The following ZFPM2 variants were observed in gnomAD, a reference collection of about 807,000 sequenced individuals.
The protein encoded by ZFPM2 is zinc finger protein, FOG family member 2, also known as zinc finger protein ZFPM2.
A neutral mutation model predicts 98.6 loss-of-function variants in ZFPM2; 20 were observed. That is an observed-to-expected ratio of 0.20 (90% CI 0.14 to 0.29). The LOEUF is 0.29. ZFPM2 is among the 10% of genes least tolerant of loss of function. The pLI is 1.00. For synonymous variants in ZFPM2, 518 were observed against 502.7 expected (o/e 1.03, Z -0.41); for missense variants, 1,310 against 1,388.6 (o/e 0.94, Z 0.90).
chr8:105,546,681 G>A (rs57329234), intron 3 of ZFPM2, among the ~76,000 whole-genome samples: 62 of 151,994 alleles, frequency 4.1e-4, no homozygotes, highest in African/African-American at 1.5e-3. Context: ...GTGGTCTCAT[G>A]TTCATGACAA....
At chr8:105,543,595 A>C (rs576745822) in intron 3 of ZFPM2, among the ~76,000 whole-genome samples, 1 of 152,328 alleles carries the variant, frequency 6.6e-6, no homozygotes. Flanking sequence ...GAAGAGTATT[A>C]AAAAGGATCT....
intron 1 of ZFPM2, among the ~76,000 whole-genome samples, chr8:105,409,585 A>G (rs899586403): frequency 6.6e-6 from 1 of 151,964 alleles, no homozygotes; most frequent in African/African-American, 2.4e-5. Flanking sequence ...GTGTCTCTCC[A>G]TAATTGAGGA....
In ZFPM2 at chr8:105,801,913, G is replaced by A. The variant is rs773753565; in HGVS notation, c.1831G>A (p.Ala611Thr). 6.2e-7 allele frequency: 1 copy of A among 1,613,848 alleles called. No homozygotes were observed. Among genetic ancestry groups the A allele is most frequent in the South Asian group, 1.1e-5 (1 of 91,066 alleles). Reference protein sequence around the residue: ...QTSINLLNPAAHSADPENPLL... With the variant: ...QTSINLLNPATHSADPENPLL... ...CTCCATAAACCTTCTCAACCCAGCT[G>A]CTCATTCTGCTGATCCTGAGAATCC... The change falls in exon 8 of 8, where the codon GCT (alanine) becomes ACT (threonine). Residue 611 changes from alanine to threonine, a missense_variant. Physicochemically the swap from Ala to Thr is moderately conservative, Grantham distance 58 (BLOSUM62 0). Coordinates refer to ENST00000407775, the MANE Select transcript of ZFPM2 (RefSeq NM_012082.4).
chr8:105,534,839 C>T (rs1228808925), intron 3 of ZFPM2, among the ~76,000 whole-genome samples: 5 of 152,120 alleles, frequency 3.3e-5, no homozygotes, highest in Non-Finnish European at 7.4e-5. Flanking sequence ...ATGATATTTA[C>T]AGTTTGAAAA....
At chr8:105,399,409 G>A (rs1811290656) in intron 1 of ZFPM2, among the ~76,000 whole-genome samples, 1 of 152,158 alleles carries the variant, frequency 6.6e-6, no homozygotes, top group African/African-American at 2.4e-5. Flanking sequence ...TTCGGAGGTA[G>A]AGCTTTTAAG....
In ZFPM2 at chr8:105,443,389, G is replaced by GT. The variant is rs529460506; in HGVS notation, c.200-884dup. ...TAGTTGCTGTGATTTTAGTATTCAT[G>GT]TTTTTTTGTCTTCATACTTTCTTGT... On this transcript the variant is annotated intron_variant, in intron 2 of 7. Coordinates refer to ENST00000407775, the MANE Select transcript of ZFPM2 (RefSeq NM_012082.4). 5.4e-3 allele frequency among the ~76,000 whole-genome samples: 798 copies of GT among 147,632 alleles called. 7 individuals carry two copies. The highest frequency in any genetic ancestry group is 0.019 in the African/African-American group (765 of 39,342).
chr8:105,786,330 A>G (rs1418088666), intron 5 of ZFPM2, among the ~76,000 whole-genome samples: 1 of 152,170 alleles, frequency 6.6e-6, no homozygotes, highest in African/African-American at 2.4e-5. Flanking sequence ...TGAAGGAATG[A>G]CACTCTTAAT....
At chr8:105,582,799 G>T (rs1485086113) in intron 4 of ZFPM2, among the ~76,000 whole-genome samples, 2 of 152,016 alleles carry the variant, frequency 1.3e-5, no homozygotes, top group African/African-American at 4.8e-5. Context: ...TTCCCATGTT[G>T]CCCCAATTGG....
chr8:105,627,342 C>T (rs1816677860), intron 4 of ZFPM2, among the ~76,000 whole-genome samples: 1 of 152,100 alleles, frequency 6.6e-6, no homozygotes, highest in African/African-American at 2.4e-5. Context: ...AAACGTGAAA[C>T]TCTGGGTTCA....
intron 1 of ZFPM2, among the ~76,000 whole-genome samples, chr8:105,397,269 A>G (rs1252876313): frequency 6.6e-6 from 1 of 152,184 alleles, no homozygotes; most frequent in African/African-American, 2.4e-5. Context: ...TTACTAATAT[A>G]AAAGGGAACC....
intron 3 of ZFPM2, among the ~76,000 whole-genome samples, chr8:105,511,695 G>A (rs868548809): frequency 8.5e-5 from 13 of 152,326 alleles, no homozygotes; most frequent in African/African-American, 2.6e-4. Context: ...ATACAAGCTA[G>A]TAATTTATTT....
intron 3 of ZFPM2, among the ~76,000 whole-genome samples, chr8:105,500,575 T>C (rs1438399431): frequency 6.6e-6 from 1 of 152,104 alleles, no homozygotes; most frequent in Non-Finnish European, 1.5e-5. Context: ...CTGAAAATAA[T>C]AAAAAGAGAC....
chr8:105,632,727 C>A (rs1158338360), intron 4 of ZFPM2, among the ~76,000 whole-genome samples: 2 of 152,030 alleles, frequency 1.3e-5, no homozygotes, highest in African/African-American at 4.8e-5. Context: ...ACATCTTTTT[C>A]GCAAGGCTTT....
At chr8:105,789,352 G>A (rs1160450675) in intron 6 of ZFPM2, among the ~76,000 whole-genome samples, 3 of 151,924 alleles carry the variant, frequency 2.0e-5, no homozygotes, top group Non-Finnish European at 4.4e-5. Context: ...TTTTGTTCTT[G>A]CGATAGTTTA....
chr8:105,408,054 C>T (rs1018798879), intron 1 of ZFPM2, among the ~76,000 whole-genome samples: 24 of 151,748 alleles, frequency 1.6e-4, no homozygotes, highest in South Asian at 1.0e-3. Context: ...TGCTTTTATT[C>T]TATTGTAGGC....
At chr8:105,795,249 T>C (rs1221877887) in intron 6 of ZFPM2, among the ~76,000 whole-genome samples, 63 of 133,520 alleles carry the variant, frequency 4.7e-4, no homozygotes, top group African/African-American at 2.0e-3. Flanking sequence ...TTTATCTTTG[T>C]GTGTGTGTGT....
intron 2 of ZFPM2, among the ~76,000 whole-genome samples, chr8:105,421,250 T>C (rs1417246303): frequency 6.6e-6 from 1 of 152,066 alleles, no homozygotes; most frequent in Non-Finnish European, 1.5e-5. Context: ...ATTAATTTTT[T>C]TATAAACAGT....
At chr8:105,493,051 G>A (rs1485174545) in intron 3 of ZFPM2, among the ~76,000 whole-genome samples, 1 of 152,164 alleles carries the variant, frequency 6.6e-6, no homozygotes, top group African/African-American at 2.4e-5. Context: ...TGTGGAAGCA[G>A]CATTTATAAG....
chr8:105,626,725 C>T (rs1172188986), intron 4 of ZFPM2, among the ~76,000 whole-genome samples: 1 of 152,094 alleles, frequency 6.6e-6, no homozygotes, highest in Non-Finnish European at 1.5e-5. Context: ...AGAATATAAA[C>T]AGCTATGAAT....
Sources: gnomAD v4.1 joint callset for allele counts (sites outside exome capture counted in the v4.1 genomes callset) on GRCh38, gnomAD v4.1.1 for gene constraint, MANE v1.5 for transcripts, NCBI Gene and HGNC (gene_info 2026-07-23, HGNC 2026-07-21) for gene names.